The following PPFIBP2 variants were observed in gnomAD, a reference collection of about 807,000 sequenced individuals.
PPFIBP2 encodes the protein PPFIB scaffold protein 2.
In PPFIBP2, 118 loss-of-function variants were observed where a neutral mutation model predicts 118.3. The ratio of observed to expected loss-of-function variants is 1.00; its 90% CI spans 0.86 to 1.16. The LOEUF (loss-of-function observed/expected upper bound fraction) is 1.16, where lower values mean the gene tolerates loss of function less well. Ranked by LOEUF, PPFIBP2 falls within the 50% of genes most tolerant of loss-of-function variation. The pLI, the probability that PPFIBP2 is intolerant of heterozygous loss-of-function variation, is 0.00. For synonymous variants in PPFIBP2, 414 were observed against 397.4 expected (o/e 1.04, Z -0.50); for missense variants, 1,195 against 1,073.1 (o/e 1.11, Z -1.59).
chr11:7,665,995 C>T, the PPFIBP2 span: 9 of 1,285,554 alleles, frequency 7.0e-6, no homozygotes, highest in Non-Finnish European at 7.6e-6. Flanking sequence ...CTGTGGGGTG[C>T]TCTGTGCACA....
intron 5 of PPFIBP2, among the ~76,000 whole-genome samples, chr11:7,602,769 G>A (rs754636318): frequency 7.2e-5 from 11 of 152,122 alleles, no homozygotes; most frequent in Non-Finnish European, 1.5e-4. Context: ...CAGGGTTTAG[G>A]CAACTTCATT....
Position 7,635,544 on chromosome 11 carries a change from C to T in PPFIBP2, c.1195-8C>T, listed in dbSNP as rs1205792358. 1 of 1,606,650 alleles carries T rather than the reference C, an allele frequency of 6.2e-7. No homozygotes were observed. Reference sequence around the variant, plus strand: ...CCACATAAACGAAATCCTCATGTTACTCCATAGTGTATGGATGGGAACCAG... The same window carrying T: ...CCACATAAACGAAATCCTCATGTTATTCCATAGTGTATGGATGGGAACCAG... On this transcript the variant is annotated splice_polypyrimidine_tract_variant and splice_region_variant and intron_variant, in intron 13 of 23. Transcript: ENST00000299492.
intron 6 of PPFIBP2, among the ~76,000 whole-genome samples, chr11:7,612,331 C>T (rs939944228): frequency 6.6e-5 from 10 of 152,142 alleles, no homozygotes; most frequent in Middle Eastern, 3.2e-3. Context: ...GCAAAAGCCT[C>T]AAGATTGCAT....
At chr11:7,664,689 C>T in the PPFIBP2 span, among the ~76,000 whole-genome samples, 1 of 152,072 alleles carries the variant, frequency 6.6e-6, no homozygotes, top group Non-Finnish European at 1.5e-5. Flanking sequence ...CCTTGGGAGC[C>T]AGGCCCTGGA....
At chr11:7,665,138 G>GAGAA in the PPFIBP2 span, 1 of 403,788 alleles carries the variant, frequency 2.5e-6, no homozygotes, top group East Asian at 4.4e-5. Context: ...CAAAACCACG[G>GAGAA]AGAAAGATAC....
chr11:7,653,200 G>A lies in PPFIBP2; in HGVS notation c.2613G>A (p.Gln871=). The part of the protein sequence containing the change: ...LDAPELDGLD[Q]VGQIS ...CCCCTGAACTGGATGGGCTGGACCA[G>A]GTGGGACAGATTAGCTGATGCCCTT... Residue 871 remains glutamine (Q), a synonymous_variant, in exon 24 of 24, where the codon CAG becomes CAA. Coordinates refer to ENST00000299492, the MANE Select transcript of PPFIBP2 (RefSeq NM_003621.5). 1.2e-6 allele frequency: 2 copies of A among 1,614,160 alleles called. No individual in the cohort carries two copies. Among genetic ancestry groups the A allele is most frequent in the African/African-American group, 1.3e-5 (1 of 75,056 alleles).
At chr11:7,589,381 C>T (rs1858812264) in intron 3 of PPFIBP2, among the ~76,000 whole-genome samples, 1 of 152,074 alleles carries the variant, frequency 6.6e-6, no homozygotes, top group South Asian at 2.1e-4. Context: ...ATCACAAGGT[C>T]AAGAGATTGA....
intron 7 of PPFIBP2, among the ~76,000 whole-genome samples, chr11:7,624,053 C>G (rs1849666445): frequency 1.3e-5 from 2 of 152,296 alleles, no homozygotes; most frequent in South Asian, 4.1e-4. Context: ...AAACCCTACC[C>G]CTTGTCATCT....
chr11:7,594,484 T>C (rs1395985002), intron 4 of PPFIBP2, among the ~76,000 whole-genome samples: 1 of 152,258 alleles, frequency 6.6e-6, no homozygotes, highest in Non-Finnish European at 1.5e-5. Context: ...ATCTTCCATT[T>C]GAAAGAGAGA....
At chr11:7,664,208 G>A in the PPFIBP2 span, among the ~76,000 whole-genome samples, 18 of 152,224 alleles carry the variant, frequency 1.2e-4, no homozygotes, top group African/African-American at 3.9e-4. Flanking sequence ...TTTGGGGAAG[G>A]AGTCTGAATA....
chr11:7,625,039 AC>A (rs147812164), intron 7 of PPFIBP2, among the ~76,000 whole-genome samples: 2,541 of 152,346 alleles, frequency 0.017, 73 homozygotes, highest in African/African-American at 0.058. Flanking sequence ...AACCTGCACT[AC>A]TTAATGGCGA....
chr11:7,565,715 A>G lies in PPFIBP2; in HGVS notation c.227A>G (p.Gln76Arg). 6.2e-7 allele frequency: 1 copy of G among 1,614,204 alleles called. No homozygotes were observed. The highest frequency in any genetic ancestry group is 8.5e-7 in the Non-Finnish European group (1 of 1,180,026). ...LPQERAALLSQIPGPTAAYIK... is the reference protein window; with the variant it reads ...LPQERAALLSRIPGPTAAYIK... Reference sequence around the variant, plus strand: ...CAGGAGAGAGCAGCCCTCCTGAGCCAGATCCCTGGCCCAACAGCTGCCTAC... The same window carrying G: ...CAGGAGAGAGCAGCCCTCCTGAGCCGGATCCCTGGCCCAACAGCTGCCTAC... The change falls in exon 3 of 24, where the codon CAG (glutamine) becomes CGG (arginine). Residue 76 changes from glutamine (Q) to arginine (R), a missense_variant. Transcript: ENST00000299492.
intron 17 of PPFIBP2, among the ~76,000 whole-genome samples, chr11:7,645,958 T>G (rs1254312957): frequency 6.6e-6 from 1 of 152,104 alleles, no homozygotes. Flanking sequence ...ACAAAAGTGA[T>G]AAAATGAGCA....
intron 1 of PPFIBP2, among the ~76,000 whole-genome samples, chr11:7,529,710 G>A (rs991869227): frequency 6.6e-6 from 1 of 152,216 alleles, no homozygotes; most frequent in South Asian, 2.1e-4. Context: ...TTCCCCAGCG[G>A]TGTCTTCTCT....
At chr11:7,639,116 G>T (rs781088597) in intron 14 of PPFIBP2, among the ~76,000 whole-genome samples, 2 of 151,988 alleles carry the variant, frequency 1.3e-5, no homozygotes, top group Non-Finnish European at 2.9e-5. Context: ...TACCATAGCC[G>T]CTCTCAGGCA....
At chr11:7,585,572 G>T (rs1193741101) in intron 3 of PPFIBP2, among the ~76,000 whole-genome samples, 1 of 152,184 alleles carries the variant, frequency 6.6e-6, no homozygotes, top group Non-Finnish European at 1.5e-5. Context: ...TGAAGAGTGT[G>T]TTCTCCTTGC....
chr11:7,610,825 G>A (rs1288508682), intron 6 of PPFIBP2, among the ~76,000 whole-genome samples: 5 of 152,188 alleles, frequency 3.3e-5, no homozygotes, highest in Admixed American at 6.5e-5. Context: ...GTTTCTTGAC[G>A]TGCGTTTCAC....
At chr11:7,654,430 G>A (rs1312977050), downstream of PPFIBP2, among the ~76,000 whole-genome samples, 1 of 152,238 alleles carries the variant, frequency 6.6e-6, no homozygotes. Flanking sequence ...CCACGTCACC[G>A]CTGTCTGATG....
chr11:7,618,245 C>A (rs1206157878), intron 6 of PPFIBP2, among the ~76,000 whole-genome samples: 2 of 152,092 alleles, frequency 1.3e-5, no homozygotes, highest in Non-Finnish European at 2.9e-5. Context: ...GATAGAGAAG[C>A]CTTGAGAGGG....
Sources: gnomAD v4.1 joint callset for allele counts (sites outside exome capture counted in the v4.1 genomes callset) on GRCh38, gnomAD v4.1.1 for gene constraint, MANE v1.5 for transcripts, NCBI Gene and HGNC (gene_info 2026-07-23, HGNC 2026-07-21) for gene names.